UTP20: variants seen among roughly 807,000 people sequenced by gnomAD.
UTP20 encodes the protein small subunit processome component 20 homolog.
Under a neutral mutation model 329.5 loss-of-function variants are expected in UTP20, and 164 were observed. The observed-to-expected ratio is 0.50, with a 90% CI of 0.44 to 0.57. The LOEUF (loss-of-function observed/expected upper bound fraction) is 0.57. Ranked by LOEUF, UTP20 falls within the 20% of genes least tolerant of loss-of-function variation. UTP20 has a pLI of 0.00. For missense variants in UTP20, 3,055 were observed against 3,284.2 expected, an observed-to-expected ratio of 0.93 and a Z score of 1.71; for synonymous variants, 1,151 against 1,159.3, an observed-to-expected ratio of 0.99 and a Z score of 0.14.
intron 49 of UTP20, among the ~76,000 whole-genome samples, chr12:101,370,109 A>G (rs567367701): frequency 5.3e-5 from 8 of 151,936 alleles, no homozygotes; most frequent in African/African-American, 9.7e-5. Context: ...AGTCCCAGCT[A>G]CTTGGGATGC....
intron 25 of UTP20, among the ~76,000 whole-genome samples, chr12:101,324,412 A>AT (rs1868488372): frequency 6.6e-6 from 1 of 151,494 alleles, no homozygotes; most frequent in African/African-American, 2.4e-5. Flanking sequence ...TAATTTTTGT[A>AT]TTTTTTTGTA....
chr12:101,356,714 G>A, intron 42 of UTP20, 21 bp downstream of exon 42: 1 of 1,586,206 alleles, frequency 6.3e-7, no homozygotes, highest in Non-Finnish European at 8.6e-7. Flanking sequence ...TAACAAATTA[G>A]AAGTTTAGTG....
In UTP20 at chr12:101,365,527, G is replaced by T. The variant is rs183828431; in HGVS notation, c.6027G>T (p.Val2009=). 7.1e-5 allele frequency: 114 copies of T among 1,612,868 alleles called. 1 individual carries two copies. The African/African-American group carries it at 1.3e-3, about 18-fold the overall frequency. ...ATGAAACTTTACGCCGAATCACAGT[G>T]GGATTAATTGTAAATCAGGAAATGA... ...KVHETLRRIT[V]GLIVNQEMTA... Residue 2009 remains valine (V), a synonymous_variant, in exon 46 of 62, where the codon GTG becomes GTT. Transcript: ENST00000261637.
At chr12:101,311,840 T>G (rs375338632) in intron 20 of UTP20, 42 bp downstream of exon 20, 2 of 1,582,232 alleles carry the variant, frequency 1.3e-6, no homozygotes, top group Non-Finnish European at 1.7e-6. Context: ...GAAAAGTGGT[T>G]GTTTAACTGT....
intron 18 of UTP20, among the ~76,000 whole-genome samples, chr12:101,308,957 T>A (rs926387454): frequency 3.9e-5 from 6 of 151,936 alleles, no homozygotes; most frequent in Non-Finnish European, 8.8e-5. Context: ...ATGGTCTTGA[T>A]CTCCTGACCT....
chr12:101,380,940 T>G (rs1870626303), intron 57 of UTP20, among the ~76,000 whole-genome samples, 200 bp from the exon 58 acceptor site: 1 of 151,788 alleles, frequency 6.6e-6, no homozygotes, highest in Admixed American at 6.6e-5. Flanking sequence ...CCCATTTATT[T>G]GGGATGAAAT....
intron 11 of UTP20, among the ~76,000 whole-genome samples, chr12:101,295,156 G>A (rs1872307514): frequency 6.6e-6 from 1 of 152,044 alleles, no homozygotes; most frequent in Non-Finnish European, 1.5e-5. Context: ...TCTAATTTTG[G>A]TGGAATTTAT....
intron 60 of UTP20, 73 bp from the exon 61 acceptor site, chr12:101,385,510 T>C: frequency 6.7e-7 from 1 of 1,495,476 alleles, no homozygotes; most frequent in Non-Finnish European, 9.0e-7. Flanking sequence ...GTTGTACATA[T>C]TGTTGATTTT....
chr12:101,383,096 G>T lies in UTP20; in HGVS notation c.7712G>T (p.Cys2571Phe), dbSNP rs577332098. 56 of 1,612,148 alleles carry T rather than the reference G, an allele frequency of 3.5e-5. No individual in the cohort carries two copies. In the East Asian group the frequency reaches 1.2e-3, roughly 34 times the overall value. Reference protein sequence around the residue: ...AKVLYLLELYCEDKQSKIKED... With the variant: ...AKVLYLLELYFEDKQSKIKED... Reference sequence around the variant, plus strand: ...GTCTTGTATTTACTGGAACTTTATTGTGAGGATAAGCAAAGTAAGATAAAA... The same window carrying T: ...GTCTTGTATTTACTGGAACTTTATTTTGAGGATAAGCAAAGTAAGATAAAA... The change falls in exon 59 of 62, where the codon TGT (cysteine) becomes TTT (phenylalanine). Residue 2571 changes from cysteine to phenylalanine, a missense_variant. Coordinates refer to ENST00000261637, the MANE Select transcript of UTP20 (RefSeq NM_014503.3).
At position 101,292,111 on chromosome 12, in the gene UTP20, T is replaced by C. The variant is rs757821252; in HGVS notation, c.1173+7T>C. The C allele has an allele frequency of 3.8e-5, 61 of 1,611,552 alleles. No individual in the cohort carries two copies. The highest frequency in any genetic ancestry group is 5.0e-5 in the Non-Finnish European group (59 of 1,179,250). ...CAAAGAAACCATAGAAAAAGTAATT[T>C]ACTTCAACAAATATTAATTGAGCAG... On this transcript the variant is annotated splice_region_variant and intron_variant, in intron 10 of 61. Coordinates refer to ENST00000261637, the MANE Select transcript of UTP20 (RefSeq NM_014503.3).
rs758407390 is a variant in UTP20, at chr12:101,306,759, G to A, written c.1993G>A (p.Glu665Lys). 1.2e-6 allele frequency: 2 copies of A among 1,603,364 alleles called. No individual in the cohort carries two copies. Among genetic ancestry groups the A allele is most frequent in the Admixed American group, 3.4e-5 (2 of 59,320 alleles). ...TGATGTCCAGCTTCCAGAATCAATG[G>A]AGGTATTTTAACTGTTTGAGTGGAT... ...HFDVQLPESM[E>K]DDGLSERQSV... Residue 665 changes from glutamate (E) to lysine (K), a missense_variant and splice_region_variant, in exon 17 of 62, where the codon GAG (glutamate) becomes AAG (lysine). By Grantham distance (56) the Glu-to-Lys change is moderately conservative. Around this residue, in one of 3 missense-constraint regions of UTP20, gnomAD observed 2,445 missense variants for 2,575.5 expected, o/e 0.95. Coordinates refer to ENST00000261637, the MANE Select transcript of UTP20 (RefSeq NM_014503.3).
In UTP20 at chr12:101,344,683, A is replaced by G. The variant is rs1403359604; in HGVS notation, c.4538A>G (p.Asp1513Gly). ...GCTGCCTTGAATGTCACAGAGAAAGACTATAGAGAAATCATCCACCGTTCA... is the reference window on the plus strand; with the variant it reads ...GCTGCCTTGAATGTCACAGAGAAAGGCTATAGAGAAATCATCCACCGTTCA... The part of the protein sequence containing the change: ...KLAALNVTEK[D>G]YREIIHRSLL... Residue 1513 changes from aspartate to glycine, a missense_variant, in exon 36 of 62, where the codon GAC becomes GGC. By Grantham distance (94) the Asp-to-Gly change is moderately conservative (BLOSUM62 -1). Transcript: ENST00000261637. 6.2e-7 allele frequency: 1 copy of G among 1,610,290 alleles called. No homozygotes were observed. The highest frequency in any genetic ancestry group is 1.1e-5 in the South Asian group (1 of 91,002).
In UTP20 at chr12:101,309,793, TA is replaced by T. The variant is rs1182168732; in HGVS notation, c.2186del (p.Tyr729LeufsTer15). On this transcript the variant is annotated frameshift_variant, in exon 19 of 62. Coordinates refer to ENST00000261637, the MANE Select transcript of UTP20 (RefSeq NM_014503.3). LOFTEE classifies it high-confidence loss of function. The part of the protein sequence containing the change: ...VPLRYLLGML[Y>X]INFSALWDPV... The stretch of plus-strand genomic sequence containing the variant: ...GCTTCGTTATTTGTTAGGCATGCTA[TA>T]TATTAATTTCAGTGCACTCTGGGAT... 1 of 1,613,698 alleles carries T rather than the reference TA, an allele frequency of 6.2e-7. No individual in the cohort carries two copies. The highest frequency in any genetic ancestry group is 8.5e-7 in the Non-Finnish European group (1 of 1,179,996).
At chr12:101,314,917 TC>T (rs1301451503) in intron 21 of UTP20, among the ~76,000 whole-genome samples, 4 of 148,736 alleles carry the variant, frequency 2.7e-5, no homozygotes, top group African/African-American at 9.9e-5. Flanking sequence ...CCTAGTGAAA[TC>T]CCGTCTCTAC....
At chr12:101,293,757 T>C (rs535020166) in intron 11 of UTP20, among the ~76,000 whole-genome samples, 2 of 152,358 alleles carry the variant, frequency 1.3e-5, no homozygotes, top group African/African-American at 4.8e-5. Context: ...CTATATATTC[T>C]CATTTGCCTA....
At chr12:101,301,050 A>G (rs555632783) in intron 14 of UTP20, among the ~76,000 whole-genome samples, 1 of 152,224 alleles carries the variant, frequency 6.6e-6, no homozygotes, top group South Asian at 2.1e-4. Context: ...ACACATACAT[A>G]TATATATTTT....
At position 101,312,276 on chromosome 12, in the gene UTP20, A is replaced by C; in HGVS notation, c.2552A>C (p.Asn851Thr). Residue 851 changes from asparagine (N) to threonine (T), a missense_variant and splice_region_variant, in exon 21 of 62, where the codon AAC becomes ACC. Transcript: ENST00000261637. ...TCCCCGCTTTTCTTGAGATTTATCAAGTAAGTTTCCTCTTCTAAGAATATG... is the reference window on the plus strand; with the variant it reads ...TCCCCGCTTTTCTTGAGATTTATCACGTAAGTTTCCTCTTCTAAGAATATG... ...ELSPLFLRFI[N>T]NEYYPADLQV... 6.2e-7 allele frequency: 1 copy of C among 1,613,810 alleles called. No individual in the cohort carries two copies. Among genetic ancestry groups the C allele is most frequent in the Non-Finnish European group, 8.5e-7 (1 of 1,179,938 alleles).
chr12:101,321,737 A>G (rs936464285), intron 25 of UTP20, 108 bp downstream of exon 25: 33 of 1,378,064 alleles, frequency 2.4e-5, no homozygotes, highest in African/African-American at 5.9e-5. Context: ...TTCATTTTCT[A>G]TTTTCTTTTG....
chr12:101,309,824 T>G lies in UTP20; in HGVS notation c.2216T>G (p.Val739Gly). 6.2e-7 allele frequency: 1 copy of G among 1,613,636 alleles called. No individual in the cohort carries two copies. Residue 739 changes from valine (V) to glycine (G), a missense_variant, in exon 19 of 62, where the codon GTT (valine) becomes GGT (glycine). Coordinates refer to ENST00000261637, the MANE Select transcript of UTP20 (RefSeq NM_014503.3). ...YINFSALWDPVIELISSHAHE... is the reference protein window; with the variant it reads ...YINFSALWDPGIELISSHAHE... Reference sequence around the variant, plus strand: ...AATTTCAGTGCACTCTGGGATCCTGTTATTGAACTCATAAGGTAAACATGG... The same window carrying G: ...AATTTCAGTGCACTCTGGGATCCTGGTATTGAACTCATAAGGTAAACATGG...
Sources: allele counts gnomAD v4.1 joint callset (sites outside exome capture counted in the v4.1 genomes callset), GRCh38; gene constraint gnomAD v4.1.1; regional missense constraint gnomAD v4.1.1; transcripts MANE v1.5; gene names NCBI Gene and HGNC (gene_info 2026-07-23, HGNC 2026-07-21).